PPFIA1: variants seen among roughly 807,000 people sequenced by gnomAD.
PPFIA1 encodes the protein liprin-alpha-1.
In PPFIA1, 25 loss-of-function variants were observed where a neutral mutation model predicts 149.9. The observed-to-expected ratio is 0.17, with a 90% CI of 0.12 to 0.23. PPFIA1 has a LOEUF of 0.23. Among genes scored for constraint, PPFIA1 ranks in the 10% least tolerant of loss-of-function variants. PPFIA1 has a pLI of 1.00. For synonymous variants in PPFIA1, 549 were observed against 552.8 expected (o/e 0.99, Z 0.10); for missense variants, 1,362 against 1,506.5 (o/e 0.90, Z 1.59).
intron 21 of PPFIA1, chr11:70,365,062 A>G (rs933738066): frequency 3.9e-5 from 7 of 181,370 alleles, no homozygotes; most frequent in Admixed American, 1.2e-4. Flanking sequence ...TATTGAATCA[A>G]TAGTTACTTG....
chr11:70,349,793 G>T (rs2055939463), intron 16 of PPFIA1: 1 of 386,854 alleles, frequency 2.6e-6, no homozygotes, highest in Non-Finnish European at 5.0e-6. Flanking sequence ...TCTGTCCAGA[G>T]AATTCGTAAA....
intron 16 of PPFIA1, among the ~76,000 whole-genome samples, chr11:70,353,052 A>C (rs1190738594): frequency 6.6e-6 from 1 of 152,146 alleles, no homozygotes; most frequent in Non-Finnish European, 1.5e-5. Flanking sequence ...TTGCAACTGG[A>C]AATTAGGAAA....
chr11:70,329,967 G>C, intron 7 of PPFIA1: 1 of 510,026 alleles, frequency 2.0e-6, no homozygotes, highest in Non-Finnish European at 3.4e-6. Context: ...ACAAGGTCTT[G>C]AACTCCTTGC....
Position 70,383,055 on chromosome 11 carries a change from A to G in PPFIA1, c.*65A>G, listed in dbSNP as rs964904977. ...TATGCAGCATTTGAATCCAACAAAG[A>G]CTACATTTTGGAATCCAGTGGAATC... On this transcript the variant is annotated 3_prime_UTR_variant, in exon 28 of 28. Coordinates refer to ENST00000253925, the MANE Select transcript of PPFIA1 (RefSeq NM_003626.5). The G allele has an allele frequency of 9.7e-6, 4 of 412,878 alleles. No homozygotes were observed. The highest frequency in any genetic ancestry group is 1.8e-5 in the South Asian group (1 of 56,228). The allele number at this position is 412,878 out of a possible 1,614,324, so 25.6% of individuals were successfully genotyped here. A position where few individuals can be genotyped will look rare whatever the true frequency, so the allele number is the denominator to read the frequency against.
At chr11:70,337,004 T>TA (rs916638304) in intron 11 of PPFIA1, among the ~76,000 whole-genome samples, 3 of 152,266 alleles carry the variant, frequency 2.0e-5, no homozygotes, top group Non-Finnish European at 4.4e-5. Context: ...GCAGTGTTTT[T>TA]ATCTTTGATT....
chr11:70,355,041 A>G (rs1015683821), intron 17 of PPFIA1, among the ~76,000 whole-genome samples: 3 of 152,084 alleles, frequency 2.0e-5, no homozygotes, highest in African/African-American at 4.8e-5. Flanking sequence ...AGTAGCTGGA[A>G]CTACAGGCGC....
At chr11:70,351,264 A>G (rs2056039384) in intron 16 of PPFIA1, among the ~76,000 whole-genome samples, 3 of 152,222 alleles carry the variant, frequency 2.0e-5, no homozygotes, top group African/African-American at 4.8e-5. Flanking sequence ...TCACCTTTTC[A>G]GCCTTCTGAT....
chr11:70,335,766 C>A, intron 11 of PPFIA1, 72 bp downstream of exon 11: 1 of 1,561,878 alleles, frequency 6.4e-7, no homozygotes, highest in South Asian at 1.1e-5. Flanking sequence ...TGCCCCTGAG[C>A]AGGCGTGTGT....
chr11:70,363,675 A>G (rs758362438), intron 21 of PPFIA1, among the ~76,000 whole-genome samples: 3 of 151,760 alleles, frequency 2.0e-5, no homozygotes, highest in Non-Finnish European at 4.4e-5. Flanking sequence ...CACCACACCC[A>G]GCTAATTTCT....
chr11:70,333,699 C>G, intron 10 of PPFIA1, 146 bp downstream of exon 10: 1 of 680,004 alleles, frequency 1.5e-6, no homozygotes, highest in African/African-American at 1.8e-5. Context: ...TTTGCACCCT[C>G]ATCTGTGAGT....
At chr11:70,330,397 TG>T (rs1291156000) in intron 8 of PPFIA1, 78 bp downstream of exon 8, 7 of 1,299,508 alleles carry the variant, frequency 5.4e-6, no homozygotes, top group Non-Finnish European at 7.3e-6. Context: ...CTCACTTTCA[TG>T]TTGGAAATCA....
At chr11:70,329,388 T>C (rs955968873) in intron 7 of PPFIA1, among the ~76,000 whole-genome samples, 1 of 152,224 alleles carries the variant, frequency 6.6e-6, no homozygotes, top group Non-Finnish European at 1.5e-5. Flanking sequence ...GGTAGTTACA[T>C]TTTCATTCAC....
chr11:70,358,585 T>C (rs4644663), intron 19 of PPFIA1: 1 of 152,242 alleles, frequency 6.6e-6, no homozygotes, highest in Admixed American at 6.5e-5. Flanking sequence ...ATTGTGTGAA[T>C]ACAGTTTAAT....
chr11:70,276,205 A>G (rs1004652595), intron 2 of PPFIA1, among the ~76,000 whole-genome samples: 1 of 151,588 alleles, frequency 6.6e-6, no homozygotes. Flanking sequence ...CTCCTGGGCT[A>G]AAGTGATCTT....
chr11:70,334,162 G>A (rs969048859), intron 10 of PPFIA1, among the ~76,000 whole-genome samples: 18 of 152,240 alleles, frequency 1.2e-4, no homozygotes, highest in African/African-American at 4.1e-4. Context: ...TGTCAATATG[G>A]AACATCCAGG....
At chr11:70,316,140 C>T (rs963045635) in intron 2 of PPFIA1, among the ~76,000 whole-genome samples, 10 of 152,140 alleles carry the variant, frequency 6.6e-5, no homozygotes, top group African/African-American at 1.7e-4. Context: ...GGCGCAGTCT[C>T]GGCTCACTGC....
chr11:70,275,984 C>T (rs1455843387), intron 2 of PPFIA1, among the ~76,000 whole-genome samples: 2 of 152,170 alleles, frequency 1.3e-5, no homozygotes, highest in Admixed American at 6.5e-5. Flanking sequence ...TAAAAATTCT[C>T]CTCTTCTTAG....
chr11:70,326,554 C>A, intron 6 of PPFIA1, 43 bp from the exon 7 acceptor site: 1 of 1,481,234 alleles, frequency 6.8e-7, no homozygotes, highest in Non-Finnish European at 9.3e-7. Context: ...TTTTATAGCT[C>A]ACCAAACAAG....
At chr11:70,287,604 CAG>C (rs994651363) in intron 2 of PPFIA1, among the ~76,000 whole-genome samples, 4 of 151,590 alleles carry the variant, frequency 2.6e-5, no homozygotes, top group Admixed American at 2.0e-4. Flanking sequence ...GTTGAGATTA[CAG>C]GCATCAGCCA....
Sources: allele counts gnomAD v4.1 joint callset (sites outside exome capture counted in the v4.1 genomes callset), GRCh38; gene constraint gnomAD v4.1.1; transcripts MANE v1.5; gene names NCBI Gene and HGNC (gene_info 2026-07-23, HGNC 2026-07-21).